Variants in EPG5 observed in about 807,000 individuals in gnomAD.
EPG5 encodes ectopic P-granules 5 autophagy tethering factor, also known as ectopic P granules protein 5 homolog.
A neutral mutation model predicts 302.7 loss-of-function variants in EPG5; 159 were observed. The ratio of observed to expected loss-of-function variants is 0.53; its 90% confidence interval spans 0.46 to 0.60. EPG5 has a LOEUF of 0.60. Ranked by LOEUF, EPG5 falls within the 20% of genes least tolerant of loss-of-function variation. The probability of loss-of-function intolerance (pLI) is 0.00; values close to 1 mark genes in which losing one functional copy is unlikely to be tolerated. For synonymous variants in EPG5, 1,158 were observed against 1,136.8 expected (o/e 1.02, Z -0.37); for missense variants, 2,896 against 3,092.4 (o/e 0.94, Z 1.51).
rs1599430296 is a variant in EPG5 at position 45,860,284 on chromosome 18, T to A, written c.6829A>T (p.Met2277Leu). 6.2e-7 allele frequency: 1 copy of A among 1,614,248 alleles called. No individual in the cohort carries two copies. The highest frequency in any genetic ancestry group is 2.2e-5 in the East Asian group (1 of 44,882). ...SSLFMEVLMM[M>L]NNATIPTAEF... ...GCTGTTGGAATAGTCGCGTTGTTCA[T>A]CATCATCAGGACTTCCATAAAGAGG... The change falls in exon 40 of 44, where the codon ATG becomes TTG. Residue 2277 changes from methionine (M) to leucine (L), a missense_variant. By Grantham distance (15) the Met-to-Leu change is conservative. Transcript: ENST00000282041.
At chr18:45,829,910 T>C in the EPG5 span, among the ~76,000 whole-genome samples, 111,733 of 152,096 alleles carry the variant, frequency 0.73, 42,404 homozygotes, top group African/African-American at 0.92. Flanking sequence ...AGACCTAATT[T>C]TTGTTAAAGT....
At chr18:45,938,333 G>GC (rs950079731) in intron 10 of EPG5, among the ~76,000 whole-genome samples, 4 of 151,968 alleles carry the variant, frequency 2.6e-5, no homozygotes, top group Non-Finnish European at 4.4e-5. Context: ...ATGATGGCAA[G>GC]CGCCTGTAAT....
At position 45,899,472 on chromosome 18, in the gene EPG5, TG is replaced by T. The variant is rs1555671254; in HGVS notation, c.4740del (p.Thr1581HisfsTer33). ...PKQYVNREEQ[T>X]TLHLECRGSS... The stretch of plus-strand genomic sequence containing the variant: ...CTGCCTCTGCACTCCAAATGTAGTG[TG>T]GTCTGTTCTTCACGATTCACATACT... On this transcript the variant is annotated frameshift_variant, in exon 27 of 44. Coordinates refer to ENST00000282041, the MANE Select transcript of EPG5 (RefSeq NM_020964.3). LOFTEE classifies it high-confidence loss of function. 1 of 1,614,238 alleles carries T rather than the reference TG, an allele frequency of 6.2e-7. No individual in the cohort carries two copies. The highest frequency in any genetic ancestry group is 1.1e-5 in the South Asian group (1 of 91,088).
intron 2 of EPG5, chr18:45,953,217 G>A (rs2050951205): frequency 1.1e-6 from 1 of 874,104 alleles, no homozygotes; most frequent in Admixed American, 6.2e-5. Context: ...GAAAATAATA[G>A]AACTTGTCCC....
chr18:45,869,480 G>A (rs2048824206), intron 36 of EPG5, among the ~76,000 whole-genome samples: 2 of 152,186 alleles, frequency 1.3e-5, no homozygotes, highest in South Asian at 4.1e-4. Flanking sequence ...TAGAGACAGA[G>A]TCTACAGCAT....
chr18:45,855,182 A>G (rs981161601), intron 43 of EPG5, among the ~76,000 whole-genome samples: 1 of 152,198 alleles, frequency 6.6e-6, no homozygotes, highest in Non-Finnish European at 1.5e-5. Flanking sequence ...CTCGGTTCCA[A>G]GCTAAAGCTC....
intron 24 of EPG5, among the ~76,000 whole-genome samples, chr18:45,905,777 G>A (rs534888588): frequency 3.3e-4 from 51 of 152,254 alleles, no homozygotes; most frequent in African/African-American, 1.2e-3. Context: ...TTGATGCTGA[G>A]GAACCAGGAT....
the EPG5 span, chr18:45,837,862 C>T: frequency 1.0e-5 from 16 of 1,534,450 alleles, no homozygotes; most frequent in Admixed American, 9.6e-5. Context: ...ATGACCGCTA[C>T]GAGAGCCGCC....
chr18:45,905,659 T>C (rs1294299085), intron 24 of EPG5, among the ~76,000 whole-genome samples: 1 of 152,032 alleles, frequency 6.6e-6, no homozygotes, highest in African/African-American at 2.4e-5. Flanking sequence ...ACCATAAAAA[T>C]ACAAAACAAC....
intron 26 of EPG5, 26 bp downstream of exon 26, chr18:45,900,970 T>C (rs755223549): frequency 1.9e-6 from 3 of 1,590,578 alleles, no homozygotes; most frequent in African/African-American, 2.7e-5. Context: ...CATGGGAACA[T>C]GATCCGTGAG....
intron 12 of EPG5, 41 bp from the exon 13 acceptor site, chr18:45,929,050 T>A: frequency 6.3e-7 from 1 of 1,589,672 alleles, no homozygotes; most frequent in Non-Finnish European, 8.6e-7. Context: ...ACTTTTAATA[T>A]CAATTAGCAG....
intron 6 of EPG5, 45 bp from the exon 7 acceptor site, chr18:45,946,813 CG>C (rs2050792724): frequency 6.9e-7 from 1 of 1,441,742 alleles, no homozygotes; most frequent in Non-Finnish European, 9.8e-7. Context: ...ATGTAGGCTA[CG>C]TGAGTGCATT....
In EPG5 at chr18:45,865,687, T is replaced by C. The variant is rs1280275297; in HGVS notation, c.6694A>G (p.Lys2232Glu). The C allele has an allele frequency of 6.2e-7, 1 of 1,614,084 alleles. No homozygotes were observed. The highest frequency in any genetic ancestry group is 1.1e-5 in the South Asian group (1 of 91,082). The change falls in exon 39 of 44, where the codon AAA becomes GAA. Residue 2232 changes from lysine to glutamate, a missense_variant. This residue lies in a region of EPG5 where 620 missense variants were observed against 704.2 expected (regional missense o/e 0.88). Coordinates refer to ENST00000282041, the MANE Select transcript of EPG5 (RefSeq NM_020964.3). ...QFLSTLEQNG[K>E]ITLAVLEQEM... ...TGTTCTAGGACTGCTAAGGTGATTT[T>C]TCCATTTTGTTCCAGGGTGCTGAGG...
chr18:45,962,282 G>C (rs2051166463), intron 1 of EPG5, among the ~76,000 whole-genome samples: 1 of 152,204 alleles, frequency 6.6e-6, no homozygotes, highest in Non-Finnish European at 1.5e-5. Context: ...AAGGGGGATG[G>C]AGATTCAAAG....
intron 35 of EPG5, among the ~76,000 whole-genome samples, chr18:45,873,353 T>C (rs2048909924): frequency 6.6e-6 from 1 of 151,836 alleles, no homozygotes; most frequent in African/African-American, 2.4e-5. Flanking sequence ...CTACTAAAAA[T>C]ACAAAAATCA....
intron 16 of EPG5, among the ~76,000 whole-genome samples, chr18:45,918,967 G>C (rs2050091176): frequency 6.6e-6 from 1 of 152,030 alleles, no homozygotes; most frequent in Non-Finnish European, 1.5e-5. Flanking sequence ...AAAAAATAAA[G>C]TAATTGTGCA....
rs375228487 is a variant in EPG5, at chr18:45,934,923, G to T, written c.2143C>A (p.Leu715Met). Residue 715 changes from leucine to methionine, a missense_variant, in exon 11 of 44, where the codon CTG becomes ATG. This residue lies in a region of EPG5 where 1,390 missense variants were observed against 1,430.0 expected (regional missense o/e 0.97). Transcript: ENST00000282041. Reference protein sequence around the residue: ...LFMSEMPFGTLSVQMLWKLFY... With the variant: ...LFMSEMPFGTMSVQMLWKLFY... ...AGCTTCCACAGCATTTGCACAGACA[G>T]AGTCCCAAAGGGCATCTCGGACATA... 6.2e-7 allele frequency: 1 copy of T among 1,613,884 alleles called. No homozygotes were observed. The highest frequency in any genetic ancestry group is 1.3e-5 in the African/African-American group (1 of 74,894).
chr18:45,896,350 G>C (rs1214967272), intron 27 of EPG5, among the ~76,000 whole-genome samples: 4 of 152,184 alleles, frequency 2.6e-5, no homozygotes, highest in Non-Finnish European at 5.9e-5. Flanking sequence ...AAAAGTCAGG[G>C]CACTAAGCAA....
chr18:45,880,355 T>C, intron 31 of EPG5, 132 bp from the exon 32 acceptor site: 1 of 882,464 alleles, frequency 1.1e-6, no homozygotes, highest in Admixed American at 3.3e-5. Context: ...CACAGGGATA[T>C]CTGGGGTGAG....
Sources: allele counts gnomAD v4.1 joint callset (sites outside exome capture counted in the v4.1 genomes callset), GRCh38; gene constraint gnomAD v4.1.1; regional missense constraint gnomAD v4.1.1; transcripts MANE v1.5; gene names NCBI Gene and HGNC (gene_info 2026-07-23, HGNC 2026-07-21).